Variants in TTC13 observed in about 807,000 individuals in gnomAD.
The protein encoded by TTC13 is tetratricopeptide repeat protein 13.
TTC13 carries 62 observed loss-of-function variants against 120.0 expected under a neutral mutation model. The ratio of observed to expected loss-of-function variants is 0.52; its 90% confidence interval spans 0.42 to 0.64. The LOEUF is 0.64. TTC13 is among the 30% of genes least tolerant of loss of function. TTC13 has a pLI of 0.00. For missense variants in TTC13, 824 were observed against 1,050.2 expected, an observed-to-expected ratio of 0.78 and a Z score of 2.98; for synonymous variants, 384 against 393.5, an observed-to-expected ratio of 0.98 and a Z score of 0.28.
At chr1:230,954,281 ATTT>A in intron 4 of TTC13, 49 bp downstream of exon 4, 1 of 1,325,160 alleles carries the variant, frequency 7.5e-7, no homozygotes, top group Non-Finnish European at 1.1e-6. Flanking sequence ...ATTAGTCCAT[ATTT>A]TTGTCATGAC....
intron 8 of TTC13, among the ~76,000 whole-genome samples, chr1:230,937,352 G>T (rs1192809741): frequency 6.6e-6 from 1 of 152,064 alleles, no homozygotes; most frequent in Non-Finnish European, 1.5e-5. Flanking sequence ...AAATAGGTTG[G>T]TATTTTTTGT....
intron 22 of TTC13, among the ~76,000 whole-genome samples, chr1:230,907,236 G>C (rs1671022869): frequency 6.6e-6 from 1 of 152,226 alleles, no homozygotes; most frequent in African/African-American, 2.4e-5. Context: ...TGGAAGTTAA[G>C]CCAGAGCTTT....
At chr1:230,968,573 G>A (rs1677398601) in intron 1 of TTC13, among the ~76,000 whole-genome samples, 1 of 152,156 alleles carries the variant, frequency 6.6e-6, no homozygotes, top group African/African-American at 2.4e-5. Context: ...AGTAGAGCAG[G>A]GGGCAGGTGG....
At chr1:230,907,783 G>A (rs1411826894) in intron 22 of TTC13, among the ~76,000 whole-genome samples, 1 of 152,188 alleles carries the variant, frequency 6.6e-6, no homozygotes, top group Admixed American at 6.5e-5. Context: ...GCAAAACTGG[G>A]GGTGGTTGGG....
intron 6 of TTC13, among the ~76,000 whole-genome samples, chr1:230,943,284 A>G (rs1211423285): frequency 6.6e-6 from 1 of 151,896 alleles, no homozygotes; most frequent in Non-Finnish European, 1.5e-5. Context: ...GTTTTAGGGT[A>G]CATGTGCACA....
Position 230,933,865 on chromosome 1 carries a change from T to G in TTC13, c.901-4A>C. ...CTTTGAAGGATTCAATAGCTTCCTA[T>G]AAAAAGTGTAGAGAAAATTATTTCA... is the stretch of plus-strand genomic sequence containing the variant. On this transcript the variant is annotated splice_polypyrimidine_tract_variant and splice_region_variant and intron_variant, in intron 8 of 22. Coordinates refer to ENST00000366661, the MANE Select transcript of TTC13 (RefSeq NM_024525.5). The G allele has an allele frequency of 6.4e-7, 1 of 1,568,290 alleles. No homozygotes were observed. The highest frequency in any genetic ancestry group is 8.7e-7 in the Non-Finnish European group (1 of 1,154,062).
intron 18 of TTC13, among the ~76,000 whole-genome samples, chr1:230,914,020 G>T (rs573535811): frequency 6.6e-6 from 1 of 152,188 alleles, no homozygotes; most frequent in Non-Finnish European, 1.5e-5. Flanking sequence ...CAGTGAGGTG[G>T]AGCTCTAGCA....
rs74143516 is a variant in TTC13, at chr1:230,908,637, G to A, written c.2468+75C>T. 115 of 1,176,958 alleles carry A rather than the reference G, an allele frequency of 9.8e-5. No homozygotes were observed. In the East Asian group the frequency reaches 2.0e-3, roughly 21 times the overall value. The allele number at this position is 1,176,958 out of a possible 1,614,324, so 72.9% of individuals were successfully genotyped here. A position where few individuals can be genotyped will look rare whatever the true frequency, so the allele number is the denominator to read the frequency against. ...GTATAACAGTTCCAGTTTTCATAGC[G>A]CTCCAAAGTAACAGGAAACTCCTTT... On this transcript the variant is annotated intron_variant, in intron 22 of 22. Transcript: ENST00000366661.
intron 8 of TTC13, among the ~76,000 whole-genome samples, chr1:230,934,678 A>G (rs1173375009): frequency 6.6e-6 from 1 of 152,248 alleles, no homozygotes; most frequent in Non-Finnish European, 1.5e-5. Context: ...AATAAAAAAA[A>G]TTACGACTAT....
intron 3 of TTC13, chr1:230,956,608 T>C: frequency 2.7e-6 from 1 of 369,912 alleles, no homozygotes; most frequent in Non-Finnish European, 5.2e-6. Flanking sequence ...CAAATATGAT[T>C]TTTAGAGATA....
chr1:230,963,635 A>AAAATAAAT (rs145205225), intron 1 of TTC13, among the ~76,000 whole-genome samples: 4,991 of 146,118 alleles, frequency 0.034, 299 homozygotes, highest in African/African-American at 0.12. Context: ...ACCCTGTCTC[A>AAAATAAAT]AAATAAATAA....
intron 20 of TTC13, 88 bp from the exon 21 acceptor site, chr1:230,909,108 G>T: frequency 9.0e-7 from 1 of 1,106,826 alleles, no homozygotes; most frequent in Non-Finnish European, 1.3e-6. Flanking sequence ...CATCATGAAA[G>T]ATAAAATTTA....
chr1:230,915,988 ACAGT>A (rs1474797792), intron 18 of TTC13, among the ~76,000 whole-genome samples: 1 of 152,154 alleles, frequency 6.6e-6, no homozygotes, highest in African/African-American at 2.4e-5. Flanking sequence ...TTAGATTTAG[ACAGT>A]CAGAAAATGT....
chr1:230,970,459 C>T (rs1393400656), intron 1 of TTC13, among the ~76,000 whole-genome samples: 9 of 152,016 alleles, frequency 5.9e-5, no homozygotes, highest in Non-Finnish European at 8.8e-5. Flanking sequence ...TGTATGCTGA[C>T]GGAAGACAAG....
At chr1:230,976,243 T>C (rs1371860164) in intron 1 of TTC13, among the ~76,000 whole-genome samples, 1 of 152,134 alleles carries the variant, frequency 6.6e-6, no homozygotes, top group African/African-American at 2.4e-5. Flanking sequence ...GATCCTGACA[T>C]TTGTCTAGAC....
chr1:230,919,240 G>T (rs1314968931), intron 17 of TTC13, among the ~76,000 whole-genome samples: 2 of 151,494 alleles, frequency 1.3e-5, no homozygotes, highest in Admixed American at 1.3e-4. Context: ...CCCAGTGTAG[G>T]CAAGAGAGCA....
chr1:230,909,852 C>T (rs1219690676), intron 20 of TTC13, among the ~76,000 whole-genome samples: 1 of 152,070 alleles, frequency 6.6e-6, no homozygotes, highest in South Asian at 2.1e-4. Context: ...GGTCTGCTGC[C>T]CTGTCACTCC....
chr1:230,949,029 T>C (rs1268361104), intron 4 of TTC13, among the ~76,000 whole-genome samples: 1 of 152,112 alleles, frequency 6.6e-6, no homozygotes, highest in African/African-American at 2.4e-5. Context: ...GTTCACTGTA[T>C]GGATGTCAGC....
intron 1 of TTC13, among the ~76,000 whole-genome samples, chr1:230,961,882 A>G (rs1676671223): frequency 6.6e-6 from 1 of 152,140 alleles, no homozygotes; most frequent in African/African-American, 2.4e-5. Context: ...TCACAAAAGG[A>G]GAATAAGCCA....
Sources: allele counts gnomAD v4.1 joint callset (sites outside exome capture counted in the v4.1 genomes callset), GRCh38; gene constraint gnomAD v4.1.1; transcripts MANE v1.5; gene names NCBI Gene and HGNC (gene_info 2026-07-23, HGNC 2026-07-21).